NKAIN2: variants seen among roughly 807,000 people sequenced by gnomAD.
The protein encoded by NKAIN2 is sodium/potassium transporting ATPase interacting 2, also known as sodium/potassium-transporting ATPase subunit beta-1-interacting protein 2.
In NKAIN2, 14 loss-of-function variants were observed where a neutral mutation model predicts 32.6. The observed-to-expected ratio is 0.43, with a 90% CI of 0.28 to 0.67. The LOEUF is 0.67. Ranked by LOEUF, NKAIN2 falls within the 30% of genes least tolerant of loss-of-function variation. The probability of loss-of-function intolerance (pLI) is 0.17; values close to 1 mark genes in which losing one functional copy is unlikely to be tolerated. For synonymous variants in NKAIN2, 80 were observed against 87.2 expected (o/e 0.92, Z 0.46); for missense variants, 198 against 258.3 (o/e 0.77, Z 1.60).
chr6:123,913,050 C>T (rs899215953), intron 1 of NKAIN2, among the ~76,000 whole-genome samples: 8 of 152,124 alleles, frequency 5.3e-5, no homozygotes, highest in African/African-American at 1.9e-4. Flanking sequence ...TCTGCTAGTG[C>T]AGGCCAATAT....
intron 2 of NKAIN2, among the ~76,000 whole-genome samples, chr6:124,287,954 TC>T (rs771670369): frequency 5.6e-4 from 74 of 132,160 alleles, no homozygotes; most frequent in East Asian, 3.8e-3. Context: ...AAATTATTTC[TC>T]CCCCCCTCTC....
intron 1 of NKAIN2, among the ~76,000 whole-genome samples, chr6:124,273,510 G>C (rs1794898080): frequency 6.6e-6 from 1 of 152,134 alleles, no homozygotes; most frequent in Non-Finnish European, 1.5e-5. Context: ...TATCTTTATA[G>C]CAGTGTGAAA....
At chr6:124,042,867 T>C (rs1781936896) in intron 1 of NKAIN2, among the ~76,000 whole-genome samples, 1 of 152,062 alleles carries the variant, frequency 6.6e-6, no homozygotes, top group Non-Finnish European at 1.5e-5. Flanking sequence ...AAATTAGGTT[T>C]TTCCTTTGTA....
intron 3 of NKAIN2, among the ~76,000 whole-genome samples, chr6:124,657,448 TCTA>T (rs1784581212): frequency 6.6e-6 from 1 of 152,192 alleles, no homozygotes; most frequent in Admixed American, 6.5e-5. Context: ...AGTGCAAAAT[TCTA>T]CTTTTATTCC....
chr6:124,336,672 T>C (rs1797878630), intron 2 of NKAIN2, among the ~76,000 whole-genome samples: 1 of 147,418 alleles, frequency 6.8e-6, no homozygotes, highest in Non-Finnish European at 1.5e-5. Context: ...TAGTTTGTTT[T>C]TTTTTGTTTG....
chr6:124,050,928 C>T (rs961029676), intron 1 of NKAIN2, among the ~76,000 whole-genome samples: 2 of 151,962 alleles, frequency 1.3e-5, no homozygotes, highest in Non-Finnish European at 2.9e-5. Flanking sequence ...AATGCTTATT[C>T]TTTATTCCTT....
intron 3 of NKAIN2, among the ~76,000 whole-genome samples, chr6:124,506,457 A>G (rs924293726): frequency 1.3e-5 from 2 of 152,220 alleles, no homozygotes; most frequent in African/African-American, 4.8e-5. Flanking sequence ...GATTGGGCTC[A>G]TCCCCGAACG....
intron 3 of NKAIN2, among the ~76,000 whole-genome samples, chr6:124,382,314 T>C (rs1772682128): frequency 6.6e-6 from 1 of 152,160 alleles, no homozygotes; most frequent in Non-Finnish European, 1.5e-5. Flanking sequence ...ACAATCTATA[T>C]TTTATTCATT....
chr6:124,379,626 T>C (rs1221847895), intron 3 of NKAIN2, among the ~76,000 whole-genome samples: 2 of 152,110 alleles, frequency 1.3e-5, no homozygotes, highest in African/African-American at 4.8e-5. Flanking sequence ...AGTGGAAGCT[T>C]ACCTGACTGC....
chr6:123,903,341 T>C (rs543228338), intron 1 of NKAIN2, among the ~76,000 whole-genome samples: 1 of 152,326 alleles, frequency 6.6e-6, no homozygotes, highest in African/African-American at 2.4e-5. Context: ...TGGTTTTAAA[T>C]TCCTACCAAA....
chr6:124,024,607 A>C (rs1315575526), intron 1 of NKAIN2, among the ~76,000 whole-genome samples: 1 of 146,126 alleles, frequency 6.8e-6, no homozygotes, highest in East Asian at 1.9e-4. Context: ...GATAAAGCAG[A>C]TCTTAAGATT....
intron 2 of NKAIN2, among the ~76,000 whole-genome samples, chr6:124,338,851 G>C (rs535288343): frequency 6.6e-6 from 1 of 152,224 alleles, no homozygotes; most frequent in South Asian, 2.1e-4. Context: ...TGCCTAAAAG[G>C]AGTGAATCAA....
chr6:124,154,913 G>T (rs1408914442), intron 1 of NKAIN2, among the ~76,000 whole-genome samples: 1 of 152,010 alleles, frequency 6.6e-6, no homozygotes, highest in African/African-American at 2.4e-5. Flanking sequence ...TTAATTGAGA[G>T]ATATATATGA....
At chr6:124,194,425 T>C (rs1790204382) in intron 1 of NKAIN2, among the ~76,000 whole-genome samples, 1 of 152,192 alleles carries the variant, frequency 6.6e-6, no homozygotes, top group Non-Finnish European at 1.5e-5. Flanking sequence ...CATACATTTG[T>C]GTTTTTCTTT....
chr6:124,135,039 A>G (rs1315203890), intron 1 of NKAIN2, among the ~76,000 whole-genome samples: 2 of 152,258 alleles, frequency 1.3e-5, no homozygotes, highest in African/African-American at 2.4e-5. Context: ...AGAATTTTGT[A>G]TCCGGCAAAA....
At chr6:124,639,549 G>A (rs1247731253) in intron 3 of NKAIN2, among the ~76,000 whole-genome samples, 1 of 152,054 alleles carries the variant, frequency 6.6e-6, no homozygotes, top group Non-Finnish European at 1.5e-5. Context: ...CAGGAGAATT[G>A]CTTGAACCCA....
chr6:124,632,195 T>C (rs919892342), intron 3 of NKAIN2, among the ~76,000 whole-genome samples: 1 of 152,212 alleles, frequency 6.6e-6, no homozygotes, highest in Non-Finnish European at 1.5e-5. Context: ...GGTAATTCTT[T>C]TCACAAGACT....
chr6:124,333,756 A>G (rs961131565), intron 2 of NKAIN2, among the ~76,000 whole-genome samples: 2 of 152,168 alleles, frequency 1.3e-5, no homozygotes, highest in African/African-American at 4.8e-5. Context: ...TTGGTATTTT[A>G]TTTGTAGTTC....
intron 3 of NKAIN2, among the ~76,000 whole-genome samples, chr6:124,441,143 A>T (rs991163125): frequency 6.6e-6 from 1 of 152,094 alleles, no homozygotes; most frequent in African/African-American, 2.4e-5. Flanking sequence ...CATGATTCAC[A>T]CACTTCTACC....
Sources: allele counts gnomAD v4.1 joint callset (sites outside exome capture counted in the v4.1 genomes callset), GRCh38; gene constraint gnomAD v4.1.1; transcripts MANE v1.5; gene names NCBI Gene and HGNC (gene_info 2026-07-23, HGNC 2026-07-21).